TBC1D1: variants seen among roughly 807,000 people sequenced by gnomAD.
The protein encoded by TBC1D1 is TBC1 domain family member 1.
In TBC1D1, 89 loss-of-function variants were observed where a neutral mutation model predicts 125.6. The ratio of observed to expected loss-of-function variants is 0.71; its 90% CI spans 0.60 to 0.85. TBC1D1 has a LOEUF of 0.85. TBC1D1 is among the 40% of genes least tolerant of loss of function. TBC1D1 has a pLI of 0.00. For synonymous variants in TBC1D1, 565 were observed against 564.1 expected (o/e 1.00, Z -0.02); for missense variants, 1,377 against 1,469.2 (o/e 0.94, Z 1.03).
rs749550007 is a variant in TBC1D1 at position 38,115,693 on chromosome 4, A to G, written c.2558-17A>G. 1 of 1,605,916 alleles carries G rather than the reference A, an allele frequency of 6.2e-7. No homozygotes were observed. Among genetic ancestry groups the G allele is most frequent in the Non-Finnish European group, 8.5e-7 (1 of 1,175,934 alleles). On this transcript the variant is annotated splice_polypyrimidine_tract_variant and intron_variant, in intron 15 of 19. Transcript: ENST00000261439. ...TTTTGTTTTTATTATTACAACTAAT[A>G]TGTATTCTTTTCACAGGGCGAACCT...
intron 13 of TBC1D1, among the ~76,000 whole-genome samples, chr4:38,090,364 C>G (rs1758226838): frequency 2.0e-5 from 3 of 152,216 alleles, no homozygotes; most frequent in Admixed American, 2.0e-4. Flanking sequence ...TTTAGAACTT[C>G]TGAGATCCAA....
intron 17 of TBC1D1, among the ~76,000 whole-genome samples, chr4:38,122,661 C>T (rs1330185479): frequency 6.6e-6 from 1 of 152,138 alleles, no homozygotes; most frequent in Non-Finnish European, 1.5e-5. Context: ...GTGTTTTGCT[C>T]ATGGCTTAAT....
intron 12 of TBC1D1, among the ~76,000 whole-genome samples, chr4:38,063,431 A>G (rs1753117908): frequency 6.6e-6 from 1 of 151,796 alleles, no homozygotes; most frequent in African/African-American, 2.4e-5. Flanking sequence ...GCAGCCCTGC[A>G]AGGGAAGGAA....
intron 7 of TBC1D1, among the ~76,000 whole-genome samples, chr4:38,029,020 G>A (rs1039656815): frequency 2.6e-5 from 4 of 152,128 alleles, no homozygotes; most frequent in Non-Finnish European, 5.9e-5. Context: ...CTTGCATTTA[G>A]ATGCAGTGTA....
At chr4:38,016,241 G>T (rs1742687766) in intron 3 of TBC1D1, among the ~76,000 whole-genome samples, 1 of 152,212 alleles carries the variant, frequency 6.6e-6, no homozygotes, top group African/African-American at 2.4e-5. Flanking sequence ...ATCAGGAAAG[G>T]CTTCTTTGAG....
chr4:37,892,559 T>C (rs1177549305), intron 1 of TBC1D1, among the ~76,000 whole-genome samples: 1 of 152,192 alleles, frequency 6.6e-6, no homozygotes, highest in Non-Finnish European at 1.5e-5. Context: ...AAATAATTTC[T>C]TTCCTGTGGA....
intron 2 of TBC1D1, among the ~76,000 whole-genome samples, chr4:37,906,876 T>C (rs1214238591): frequency 6.6e-6 from 1 of 152,236 alleles, no homozygotes; most frequent in East Asian, 1.9e-4. Context: ...TTCTTTTCAC[T>C]CCTCAAAGTT....
chr4:38,066,545 C>G (rs1458936812), intron 12 of TBC1D1, among the ~76,000 whole-genome samples: 1 of 152,010 alleles, frequency 6.6e-6, no homozygotes, highest in African/African-American at 2.4e-5. Context: ...GTTGCCCAGG[C>G]TGGTCTTGAA....
intron 13 of TBC1D1, among the ~76,000 whole-genome samples, chr4:38,093,456 C>A (rs981796018): frequency 6.6e-6 from 1 of 151,714 alleles, no homozygotes; most frequent in Non-Finnish European, 1.5e-5. Flanking sequence ...GGTGTTAGAA[C>A]AAAAAGCGCT....
chr4:38,111,002 T>C (rs1298320599), intron 15 of TBC1D1, among the ~76,000 whole-genome samples: 1 of 152,194 alleles, frequency 6.6e-6, no homozygotes, highest in African/African-American at 2.4e-5. Context: ...TTAAGGTGCC[T>C]TGAGTTGGGT....
At chr4:38,033,098 A>G (rs190489773) in intron 7 of TBC1D1, among the ~76,000 whole-genome samples, 30 of 152,360 alleles carry the variant, frequency 2.0e-4, no homozygotes, top group African/African-American at 7.2e-4. Flanking sequence ...CAACTGTGGT[A>G]GTATACTGTT....
chr4:38,006,769 G>A (rs1261972071), intron 2 of TBC1D1: 3 of 465,946 alleles, frequency 6.4e-6, no homozygotes, highest in East Asian at 1.2e-4. Context: ...GTGAGCCACT[G>A]CGCCTGGCCC....
intron 7 of TBC1D1, among the ~76,000 whole-genome samples, chr4:38,029,651 G>A (rs1189569022): frequency 6.6e-6 from 1 of 152,228 alleles, no homozygotes; most frequent in African/African-American, 2.4e-5. Flanking sequence ...ACAGCTGTGA[G>A]CCACCACGCC....
At chr4:37,920,467 A>G (rs988178140) in intron 2 of TBC1D1, among the ~76,000 whole-genome samples, 1 of 152,156 alleles carries the variant, frequency 6.6e-6, no homozygotes, top group Non-Finnish European at 1.5e-5. Context: ...GGGAGAATGA[A>G]TGAGTAGGCA....
At chr4:38,075,353 A>T (rs1013896684) in intron 12 of TBC1D1, among the ~76,000 whole-genome samples, 7 of 152,140 alleles carry the variant, frequency 4.6e-5, no homozygotes, top group African/African-American at 1.7e-4. Flanking sequence ...CGAGTTCCCC[A>T]CTTGCCTAAG....
At chr4:38,029,769 T>C (rs564141757) in intron 7 of TBC1D1, among the ~76,000 whole-genome samples, 1 of 152,348 alleles carries the variant, frequency 6.6e-6, no homozygotes, top group East Asian at 1.9e-4. Flanking sequence ...AGAAAGATGT[T>C]TTTTCATGTC....
intron 8 of TBC1D1, among the ~76,000 whole-genome samples, chr4:38,039,106 T>TG: frequency 3.8e-5 from 1 of 26,634 alleles, no homozygotes; most frequent in Non-Finnish European, 6.8e-5. Context: ...ATCATACTCT[T>TG]TTTTTTTTTT....
At chr4:37,939,212 G>C (rs940492725) in intron 2 of TBC1D1, among the ~76,000 whole-genome samples, 1 of 152,136 alleles carries the variant, frequency 6.6e-6, no homozygotes, top group African/African-American at 2.4e-5. Context: ...TTTAATGATT[G>C]CCATTCTAAC....
At chr4:38,005,975 C>T (rs145121355) in intron 2 of TBC1D1, among the ~76,000 whole-genome samples, 12 of 151,946 alleles carry the variant, frequency 7.9e-5, no homozygotes, top group South Asian at 2.1e-4. Flanking sequence ...GCAAATTACC[C>T]GTGTTTTTTG....
Sources: gnomAD v4.1 joint callset for allele counts (sites outside exome capture counted in the v4.1 genomes callset) on GRCh38, gnomAD v4.1.1 for gene constraint, MANE v1.5 for transcripts, NCBI Gene and HGNC (gene_info 2026-07-23, HGNC 2026-07-21) for gene names.